AIRE: variants seen among roughly 807,000 people sequenced by gnomAD.
The protein encoded by AIRE is autoimmune polyendocrinopathy candidiasis ectodermal dystrophy protein.
Under a neutral mutation model 62.1 loss-of-function variants are expected in AIRE, and 52 were observed. The ratio of observed to expected loss-of-function variants is 0.84; its 90% confidence interval spans 0.67 to 1.06. AIRE has a LOEUF of 1.06. Ranked by LOEUF, AIRE falls within the 50% of genes least tolerant of loss-of-function variation. The pLI, the probability that AIRE is intolerant of heterozygous loss-of-function variation, is 0.00. For missense variants in AIRE, 774 were observed against 755.8 expected, an observed-to-expected ratio of 1.02 and a Z score of -0.28; for synonymous variants, 342 against 321.6, an observed-to-expected ratio of 1.06 and a Z score of -0.68.
chr21:44,296,313 C>T (rs2146387953), intron 12 of AIRE, 70 bp from the exon 13 acceptor site: 2 of 1,406,304 alleles, frequency 1.4e-6, no homozygotes, highest in Non-Finnish European at 2.0e-6. Flanking sequence ...GGCCCCTAGG[C>T]CCTGCGGCCT....
chr21:44,286,967 C>G lies in AIRE; in HGVS notation c.308-11C>G, dbSNP rs375547384. ...TGAGGTTGGGACCCTGCTCCTGCCC[C>G]TGAGCTGCAGATGTGGACCTCAGCC... On this transcript the variant is annotated splice_polypyrimidine_tract_variant and intron_variant, in intron 2 of 13. Coordinates refer to ENST00000291582, the MANE Select transcript of AIRE (RefSeq NM_000383.4). This position sits in a 1 kb window ranked among gnomAD's most constrained non-coding sequence, Gnocchi z 6.0. 1.6e-5 allele frequency: 26 copies of G among 1,612,810 alleles called. No homozygotes were observed. The African/African-American group carries it at 3.3e-4, about 21-fold the overall frequency.
chr21:44,293,940 G>A (rs765032481), intron 11 of AIRE, 30 bp downstream of exon 11: 2 of 1,594,716 alleles, frequency 1.3e-6, no homozygotes, highest in Admixed American at 1.7e-5. Flanking sequence ...GGGGAGGCCT[G>A]AACCCACACC....
rs150634562 is a variant in AIRE, at chr21:44,291,116, G to A, written c.901G>A (p.Val301Met). Residue 301 changes from valine to methionine, a missense_variant, in exon 8 of 14, where the codon GTG (valine) becomes ATG (methionine). Transcript: ENST00000291582. ...CCAGAAGAATGAGGACGAGTGTGCC[G>A]TGTGTCGGGACGGCGGGGAGCTCAT... ...LHQKNEDECA[V>M]CRDGGELICC... 8.1e-4 allele frequency: 1,314 copies of A among 1,612,746 alleles called. 3 individuals are homozygous for A. The highest frequency in any genetic ancestry group is 6.5e-4 in the Non-Finnish European group (763 of 1,179,840).
chr21:44,290,672 A>AC (rs201118942), intron 7 of AIRE: 52,856 of 1,222,992 alleles, frequency 0.043, 1,402 homozygotes, highest in South Asian at 0.086. Flanking sequence ...TACCTGGGAG[A>AC]CCCCTGAAGG....
chr21:44,291,872 C>A (rs1328013716), intron 8 of AIRE, among the ~76,000 whole-genome samples: 1 of 152,192 alleles, frequency 6.6e-6, no homozygotes, highest in Admixed American at 6.5e-5. Flanking sequence ...GAATAAGGGG[C>A]ACAGTGGGGG....
Position 44,293,319 on chromosome 21 carries a change from T to TG in AIRE, c.1278+150dup, listed in dbSNP as rs941753835. On this transcript the variant is annotated intron_variant, in intron 10 of 13. Transcript: ENST00000291582. Reference sequence around the variant, plus strand: ...AGGGCCTGGGGCTGTGGGGGGAGCGTGGGGGGCTGCGGGGGGAAGGGGACG... The same window carrying TG: ...AGGGCCTGGGGCTGTGGGGGGAGCGTGGGGGGGCTGCGGGGGGAAGGGGACG... 178 of 41,282 alleles carry TG rather than the reference T, an allele frequency of 4.3e-3. No individual in the cohort carries two copies. The East Asian group carries it at 0.052, about 12-fold the overall frequency. The allele number at this position is 41,282 out of a possible 1,614,324, so 2.6% of individuals were successfully genotyped here.
intron 8 of AIRE, 140 bp downstream of exon 8, chr21:44,291,350 G>C (rs2040538649): frequency 1.4e-6 from 2 of 1,388,602 alleles, no homozygotes; most frequent in South Asian, 2.5e-5. Context: ...TGGGCCGTGG[G>C]GCCGGGGCCT....
At chr21:44,294,724 G>A (rs889776267) in intron 12 of AIRE, among the ~76,000 whole-genome samples, 2 of 152,224 alleles carry the variant, frequency 1.3e-5, no homozygotes, top group Admixed American at 6.5e-5. Context: ...CTCCCCCCGA[G>A]GGTTGGTGGC....
chr21:44,290,284 C>T (rs1048436552), intron 7 of AIRE: 24 of 985,342 alleles, frequency 2.4e-5, no homozygotes, highest in Middle Eastern at 1.0e-3. Flanking sequence ...GAGGTCTTCT[C>T]AGGCTCTTAA....
At chr21:44,295,622 T>C (rs988783440) in intron 12 of AIRE, among the ~76,000 whole-genome samples, 3 of 152,198 alleles carry the variant, frequency 2.0e-5, no homozygotes, top group African/African-American at 7.2e-5. Flanking sequence ...ACCTCTTTCT[T>C]GTCATCGTGA....
chr21:44,291,820 G>A (rs1052584798), intron 8 of AIRE, among the ~76,000 whole-genome samples: 11 of 152,156 alleles, frequency 7.2e-5, no homozygotes, highest in African/African-American at 2.2e-4. Context: ...GCCCCTGAGT[G>A]GCCGTCATCA....
rs142788946 is a variant in AIRE at position 44,287,012 on chromosome 21, G to T, written c.342G>T (p.Lys114Asn). Reference sequence around the variant, plus strand: ...TCAGCCAGCCCCGGAAGGGGAGGAAGCCCCCGGCCGTCCCCAAGGCTTTGG... The same window carrying T: ...TCAGCCAGCCCCGGAAGGGGAGGAATCCCCCGGCCGTCCCCAAGGCTTTGG... The part of the protein sequence containing the change: ...VDLSQPRKGR[K>N]PPAVPKALVP... The change falls in exon 3 of 14, where the codon AAG becomes AAT. Residue 114 changes from lysine to asparagine, a missense_variant. This residue lies in a region of AIRE where 385 missense variants were observed against 396.0 expected (regional missense o/e 0.97). Transcript: ENST00000291582. The surrounding 1 kb of genome is among the most constrained non-coding windows in gnomAD (Gnocchi z 4.3). The T allele has an allele frequency of 4.2e-4, 675 of 1,612,640 alleles. 2 individuals carry two copies. The highest frequency in any genetic ancestry group is 5.3e-4 in the Non-Finnish European group (621 of 1,179,974).
At chr21:44,296,507 C>A in intron 13 of AIRE, 62 bp downstream of exon 13, 1 of 1,487,024 alleles carries the variant, frequency 6.7e-7, no homozygotes, top group Non-Finnish European at 9.4e-7. Flanking sequence ...CAGCCGGCAC[C>A]CAGGCTCCCC....
Position 44,292,397 on chromosome 21 carries a change from C to T in AIRE, c.1091C>T (p.Thr364Ile), listed in dbSNP as rs757362732. The change falls in exon 9 of 14, where the codon ACC becomes ATC. Residue 364 changes from threonine to isoleucine, a missense_variant. Physicochemically the swap from Thr to Ile is moderately conservative, Grantham distance 89. Transcript: ENST00000291582. ...EPRPQEPPVETPLPPGLRSAG... is the reference protein window; with the variant it reads ...EPRPQEPPVEIPLPPGLRSAG... Reference sequence around the variant, plus strand: ...CGGCCCCAGGAGCCACCCGTGGAGACCCCGGTATGGCCACGCCCCCTCCTA... The same window carrying T: ...CGGCCCCAGGAGCCACCCGTGGAGATCCCGGTATGGCCACGCCCCCTCCTA... 1.4e-5 allele frequency: 22 copies of T among 1,550,724 alleles called. No homozygotes were observed. The highest frequency in any genetic ancestry group is 1.7e-5 in the Non-Finnish European group (20 of 1,147,096).
intron 7 of AIRE, chr21:44,290,294 A>G (rs1481745924): frequency 2.0e-6 from 2 of 985,342 alleles, no homozygotes; most frequent in Admixed American, 1.2e-4. Context: ...CAGGCTCTTA[A>G]GAGCATGGCG....
Position 44,287,555 on chromosome 21 carries a change from A to C in AIRE, c.502A>C (p.Ser168Arg). The change falls in exon 4 of 14, where the codon AGC becomes CGC. Residue 168 changes from serine (S) to arginine (R), a missense_variant. Coordinates refer to ENST00000291582, the MANE Select transcript of AIRE (RefSeq NM_000383.4). The surrounding 1 kb of genome is among the most constrained non-coding windows in gnomAD (Gnocchi z 4.3). ...LKAKPPKKPESSAEQQRLPLG... is the reference protein window; with the variant it reads ...LKAKPPKKPERSAEQQRLPLG... ...GGCCAAGCCCCCCAAGAAGCCGGAG[A>C]GCAGCGCAGAGCAGCAGCGCCTTCC... 6.4e-7 allele frequency: 1 copy of C among 1,558,794 alleles called. No individual in the cohort carries two copies. Among genetic ancestry groups the C allele is most frequent in the Non-Finnish European group, 8.7e-7 (1 of 1,151,436 alleles).
At chr21:44,290,864 G>C (rs1670205316) in intron 7 of AIRE, 2 of 1,603,000 alleles carry the variant, frequency 1.2e-6, no homozygotes, top group Non-Finnish European at 1.7e-6. Context: ...AAGAAACCGG[G>C]TTTTCTTCCC....
rs201131119 is a variant in AIRE, at chr21:44,293,854, C to T, written c.1344C>T (p.His448=). ...GTACGGACGTGCTGCGGTGTACTCACTGCGCCGCTGCCTTCCACTGGCGCT... is the reference window on the plus strand; with the variant it reads ...GTACGGACGTGCTGCGGTGTACTCATTGCGCCGCTGCCTTCCACTGGCGCT... ...GDGTDVLRCT[H]CAAAFHWRCH... is the part of the protein sequence containing the mutation. The change falls in exon 11 of 14, where the codon CAC becomes CAT. Residue 448 remains histidine, a synonymous_variant. Transcript: ENST00000291582. The T allele has an allele frequency of 2.3e-4, 367 of 1,596,880 alleles. No homozygotes were observed. Among genetic ancestry groups the T allele is most frequent in the Non-Finnish European group, 2.9e-4 (345 of 1,179,562 alleles).
In AIRE at chr21:44,286,449, G is replaced by C; in HGVS notation, c.133-108G>C. 7.9e-7 allele frequency: 1 copy of C among 1,270,438 alleles called. No homozygotes were observed. The highest frequency in any genetic ancestry group is 1.1e-6 in the Non-Finnish European group (1 of 909,912). The allele number at this position is 1,270,438 out of a possible 1,614,324, so 78.7% of individuals were successfully genotyped here. On this transcript the variant is annotated intron_variant, in intron 1 of 13. Coordinates refer to ENST00000291582, the MANE Select transcript of AIRE (RefSeq NM_000383.4). The surrounding 1 kb of genome is among the most constrained non-coding windows in gnomAD (Gnocchi z 6.0). Reference sequence around the variant, plus strand: ...AGGAGATGGGCGTGGAGCTGTCCAGGTCGCCAGCGCCTCTGCCTGGGAGCT... The same window carrying C: ...AGGAGATGGGCGTGGAGCTGTCCAGCTCGCCAGCGCCTCTGCCTGGGAGCT...
Sources: allele counts gnomAD v4.1 joint callset (sites outside exome capture counted in the v4.1 genomes callset), GRCh38; gene constraint gnomAD v4.1.1; regional missense constraint gnomAD v4.1.1; non-coding constraint Gnocchi (gnomAD v3.1); transcripts MANE v1.5; gene names NCBI Gene and HGNC (gene_info 2026-07-23, HGNC 2026-07-21).